Variants in CEP192 observed in about 807,000 individuals in gnomAD.
The protein encoded by CEP192 is centrosomal protein 192.
A neutral mutation model predicts 271.8 loss-of-function variants in CEP192; 151 were observed. The ratio of observed to expected loss-of-function variants is 0.56; its 90% confidence interval spans 0.49 to 0.64. CEP192 has a LOEUF of 0.64. CEP192 is among the 30% of genes least tolerant of loss of function. The probability of loss-of-function intolerance (pLI) is 0.00; values close to 1 mark genes in which losing one functional copy is unlikely to be tolerated. For missense variants in CEP192, 2,910 were observed against 3,020.5 expected (o/e 0.96, Z 0.86); for synonymous variants, 995 against 1,076.5 (o/e 0.92, Z 1.48).
chr18:13,082,880 A>G (rs916798831), intron 30 of CEP192, among the ~76,000 whole-genome samples: 17 of 152,108 alleles, frequency 1.1e-4, no homozygotes, highest in African/African-American at 2.4e-4. Flanking sequence ...TTCACTTATG[A>G]AGCTTCGTTT....
chr18:13,010,776 G>A (rs938902254), intron 4 of CEP192, among the ~76,000 whole-genome samples: 14 of 152,060 alleles, frequency 9.2e-5, no homozygotes, highest in African/African-American at 3.1e-4. Context: ...AACCTGGTAG[G>A]TGGAGGTTGC....
At chr18:13,121,888 C>A (rs2040678153) in intron 44 of CEP192, among the ~76,000 whole-genome samples, 1 of 152,218 alleles carries the variant, frequency 6.6e-6, no homozygotes, top group Admixed American at 6.5e-5. Flanking sequence ...GACTTCTCAC[C>A]CATGTGTGGG....
intron 44 of CEP192, among the ~76,000 whole-genome samples, chr18:13,123,592 G>A (rs1048659885): frequency 3.9e-5 from 6 of 152,160 alleles, no homozygotes; most frequent in Non-Finnish European, 8.8e-5. Context: ...ACTAAGGGGT[G>A]AAGTACCTTC....
At position 13,116,413 on chromosome 18, in the gene CEP192, A is replaced by G; in HGVS notation, c.7326A>G (p.Pro2442=). 9.9e-6 allele frequency: 16 copies of G among 1,612,992 alleles called. No individual in the cohort carries two copies. The highest frequency in any genetic ancestry group is 1.4e-5 in the Non-Finnish European group (16 of 1,179,754). Residue 2442 remains proline (P), a synonymous_variant, in exon 43 of 45, where the codon CCA becomes CCG. Coordinates refer to ENST00000506447, the MANE Select transcript of CEP192 (RefSeq NM_032142.4). ...TGACTGCTCGTGGAGTTTATGCCCC[A>G]GAGGATGTGTACAGGTTCCGGCCGA... ...LDVTARGVYA[P]EDVYRFRPTS...
rs752331027 is a variant in CEP192, at chr18:13,049,078, C to T, written c.2287C>T (p.Arg763Cys). 2.5e-5 allele frequency: 40 copies of T among 1,613,618 alleles called. No homozygotes were observed. The highest frequency in any genetic ancestry group is 3.3e-4 in the Middle Eastern group (2 of 6,084). ...DEKQKDYSHVRHFLPNDLEKS... is the reference protein window; with the variant it reads ...DEKQKDYSHVCHFLPNDLEKS... The stretch of plus-strand genomic sequence containing the variant: ...GAAACAAAAGGACTATTCTCATGTG[C>T]GTCATTTCTTACCTAATGATTTAGA... The change falls in exon 16 of 45, where the codon CGT becomes TGT. Residue 763 changes from arginine (R) to cysteine (C), a missense_variant. Coordinates refer to ENST00000506447, the MANE Select transcript of CEP192 (RefSeq NM_032142.4).
chr18:13,052,112 C>T (rs1198565335), intron 17 of CEP192, among the ~76,000 whole-genome samples: 7 of 152,182 alleles, frequency 4.6e-5, no homozygotes, highest in African/African-American at 1.2e-4. Context: ...CTCCTTGCAT[C>T]TCGGCTGGCA....
intron 15 of CEP192, among the ~76,000 whole-genome samples, chr18:13,048,385 G>C (rs143778655): frequency 6.0e-4 from 92 of 152,254 alleles, no homozygotes; most frequent in African/African-American, 2.2e-3. Context: ...TTGTGTTAAA[G>C]TCACTCTTAT....
rs1186398984 is a variant in CEP192, at chr18:13,029,684, C to T, written c.1072C>T (p.Leu358=). Reference sequence around the variant, plus strand: ...AAAGGAATGTGCAAGTAAAGATGTTCTGGTGAAGACCCTCAGGGCTATTGA... The same window carrying T: ...AAAGGAATGTGCAAGTAAAGATGTTTTGGTGAAGACCCTCAGGGCTATTGA... ...LNSECASKDV[L]VKTLRAIDVK... The change falls in exon 10 of 45, where the codon CTG becomes TTG. Residue 358 remains leucine, a synonymous_variant. Coordinates refer to ENST00000506447, the MANE Select transcript of CEP192 (RefSeq NM_032142.4). The T allele has an allele frequency of 2.6e-6, 4 of 1,518,250 alleles. No individual in the cohort carries two copies. In the South Asian group the frequency reaches 3.8e-5, roughly 14 times the overall value. 94.0% of individuals were successfully genotyped at this position (1,518,250 alleles called of 1,614,324 possible).
At chr18:13,073,234 T>G in intron 30 of CEP192, 49 bp downstream of exon 30, 1 of 1,458,646 alleles carries the variant, frequency 6.9e-7, no homozygotes, top group Non-Finnish European at 9.3e-7. Flanking sequence ...TATGCCATTT[T>G]ATAACTATTG....
chr18:13,067,046 T>C (rs2037746285), intron 21 of CEP192, among the ~76,000 whole-genome samples: 1 of 152,086 alleles, frequency 6.6e-6, no homozygotes, highest in South Asian at 2.1e-4. Flanking sequence ...TCTGCATTCT[T>C]GTGTTTTACT....
intron 40 of CEP192, among the ~76,000 whole-genome samples, chr18:13,110,719 C>T (rs978339313): frequency 2.0e-5 from 3 of 152,178 alleles, no homozygotes; most frequent in Non-Finnish European, 4.4e-5. Flanking sequence ...GTCTAAAAGC[C>T]TCAAAAGAAG....
At chr18:12,995,611 TC>T (rs1266906301) in intron 1 of CEP192, among the ~76,000 whole-genome samples, 7 of 152,216 alleles carry the variant, frequency 4.6e-5, no homozygotes, top group Admixed American at 1.3e-4. Flanking sequence ...GTTCCTGCCC[TC>T]ATAGAGCTTA....
At chr18:13,047,785 T>G (rs570505) in intron 15 of CEP192, among the ~76,000 whole-genome samples, 107,704 of 152,002 alleles carry the variant, frequency 0.71, 39,336 homozygotes, top group African/African-American at 0.89. Context: ...TTTATGTCTT[T>G]CTTATAAGTA....
intron 1 of CEP192, among the ~76,000 whole-genome samples, chr18:12,997,358 G>A (rs1049282783): frequency 6.6e-6 from 1 of 152,146 alleles, no homozygotes; most frequent in African/African-American, 2.4e-5. Flanking sequence ...TAAGGATTTC[G>A]TGGGGCGGCA....
chr18:13,038,236 A>AT, intron 12 of CEP192, 134 bp from the exon 13 acceptor site: 2 of 688,808 alleles, frequency 2.9e-6, no homozygotes, highest in Non-Finnish European at 2.4e-6. Flanking sequence ...CAGTTTGTCC[A>AT]ATTTTTTTTT....
At position 13,117,573 on chromosome 18, in the gene CEP192, AT is replaced by A. The variant is rs1568445912; in HGVS notation, c.7417-10del. 6.3e-7 allele frequency: 1 copy of A among 1,588,172 alleles called. No homozygotes were observed. The highest frequency in any genetic ancestry group is 1.7e-5 in the Admixed American group (1 of 59,930). On this transcript the variant is annotated splice_polypyrimidine_tract_variant and intron_variant, in intron 43 of 44. Transcript: ENST00000506447. ...TTCATAACTTTATAAAGTGTCTTCT[AT>A]TAAATTCCAGCTGAAGTTTTTGAGT...
At chr18:13,050,940 G>A (rs1253667396) in intron 17 of CEP192, among the ~76,000 whole-genome samples, 1 of 152,120 alleles carries the variant, frequency 6.6e-6, no homozygotes, top group Non-Finnish European at 1.5e-5. Context: ...AAGATCATCT[G>A]GCTGTGACAT....
At chr18:13,113,020 T>C (rs985325751) in intron 40 of CEP192, among the ~76,000 whole-genome samples, 2 of 152,262 alleles carry the variant, frequency 1.3e-5, no homozygotes, top group Non-Finnish European at 2.9e-5. Context: ...GTTGTACACA[T>C]GCAGGGTGTT....
At chr18:13,018,413 A>G (rs2034786852) in intron 7 of CEP192, 67 bp from the exon 8 acceptor site, 2 of 1,076,032 alleles carry the variant, frequency 1.9e-6, no homozygotes, top group African/African-American at 3.3e-5. Flanking sequence ...GTAAAGCCAC[A>G]TTTTCTCCCT....
Sources: allele counts gnomAD v4.1 joint callset (sites outside exome capture counted in the v4.1 genomes callset), GRCh38; gene constraint gnomAD v4.1.1; transcripts MANE v1.5; gene names NCBI Gene and HGNC (gene_info 2026-07-23, HGNC 2026-07-21).